SCLT1: variants seen among roughly 807,000 people sequenced by gnomAD.
The protein encoded by SCLT1 is sodium channel-associated protein 1.
SCLT1 carries 78 observed loss-of-function variants against 112.8 expected under a neutral mutation model. That is an observed-to-expected ratio of 0.69 (90% CI 0.58 to 0.83). The LOEUF (loss-of-function observed/expected upper bound fraction) is 0.83, where lower values mean the gene tolerates loss of function less well. SCLT1 is among the 40% of genes least tolerant of loss of function. The pLI is 0.00. For missense variants in SCLT1, 747 were observed against 770.4 expected (o/e 0.97, Z 0.36); for synonymous variants, 257 against 254.7 (o/e 1.01, Z -0.09).
rs572634118 is a variant in SCLT1 at position 129,060,569 on chromosome 4, G to T, written c.103-16518C>A. On this transcript the variant is annotated intron_variant, in intron 2 of 20. Coordinates refer to ENST00000281142, the MANE Select transcript of SCLT1 (RefSeq NM_144643.4). ...TTACAGATAAGTGTAATGGAATAGG[G>T]TCCATGAGGCTTCTTCAGCTGTAAT... 7.2e-5 allele frequency among the ~76,000 whole-genome samples: 11 copies of T among 152,292 alleles called. No homozygotes were observed. In the South Asian group the frequency reaches 2.3e-3, roughly 32 times the overall value.
chr4:128,934,505 C>T (rs1397176896), intron 18 of SCLT1, among the ~76,000 whole-genome samples: 1 of 151,588 alleles, frequency 6.6e-6, no homozygotes, highest in Non-Finnish European at 1.5e-5. Context: ...ATGGTCTCTG[C>T]CTTTACTTAG....
intron 2 of SCLT1, among the ~76,000 whole-genome samples, chr4:129,077,306 C>T (rs1377324184): frequency 2.0e-5 from 3 of 152,026 alleles, no homozygotes; most frequent in Non-Finnish European, 4.4e-5. Context: ...TTTGTTTTTC[C>T]AATATCATAA....
chr4:129,050,459 T>C (rs1748672820), intron 2 of SCLT1, among the ~76,000 whole-genome samples: 2 of 152,342 alleles, frequency 1.3e-5, no homozygotes, highest in South Asian at 4.1e-4. Context: ...TCTCATTTGG[T>C]TCTGATTTGC....
At chr4:129,054,608 T>C (rs1370654857) in intron 2 of SCLT1, among the ~76,000 whole-genome samples, 1 of 152,068 alleles carries the variant, frequency 6.6e-6, no homozygotes, top group Admixed American at 6.6e-5. Context: ...GTCAGGTCAT[T>C]TACGTTCTTC....
At chr4:128,981,510 A>ACAGCCGGATGGCCC (rs1434859240) in intron 9 of SCLT1, among the ~76,000 whole-genome samples, 4 of 152,116 alleles carry the variant, frequency 2.6e-5, no homozygotes, top group Non-Finnish European at 5.9e-5. Context: ...TGCATTTCTG[A>ACAGCCGGATGGCCC]CAGCCGGATG....
downstream of SCLT1, among the ~76,000 whole-genome samples, chr4:128,882,993 A>G (rs1413138225): frequency 6.6e-6 from 1 of 151,936 alleles, no homozygotes; most frequent in African/African-American, 2.4e-5. Flanking sequence ...TTAAAAATAG[A>G]AAAATTAGTG....
downstream of SCLT1, among the ~76,000 whole-genome samples, chr4:128,883,305 CTATT>C (rs1732688577): frequency 6.6e-6 from 1 of 151,806 alleles, no homozygotes; most frequent in Admixed American, 6.6e-5. Flanking sequence ...GAAGAGATTG[CTATT>C]CACATCATGG....
chr4:129,060,959 C>T (rs1318966772), intron 2 of SCLT1, among the ~76,000 whole-genome samples: 1 of 152,100 alleles, frequency 6.6e-6, no homozygotes, highest in Non-Finnish European at 1.5e-5. Flanking sequence ...CTAAGACACC[C>T]CTATCCACTT....
At chr4:128,941,743 C>T (rs1318646132) in intron 17 of SCLT1, among the ~76,000 whole-genome samples, 1 of 151,862 alleles carries the variant, frequency 6.6e-6, no homozygotes, top group Non-Finnish European at 1.5e-5. Flanking sequence ...TATTTCAAAC[C>T]CAAAGGCAAG....
intron 9 of SCLT1, among the ~76,000 whole-genome samples, chr4:128,987,307 C>A (rs73847342): frequency 2.0e-5 from 3 of 152,054 alleles, no homozygotes; most frequent in Non-Finnish European, 4.4e-5. Context: ...TCCACAAGCA[C>A]GAAGAACATC....
chr4:129,030,689 T>C (rs1026665535), intron 5 of SCLT1, among the ~76,000 whole-genome samples: 3 of 152,100 alleles, frequency 2.0e-5, no homozygotes, highest in Admixed American at 1.3e-4. Flanking sequence ...AATATCTCTA[T>C]GCAAATAAAA....
intron 2 of SCLT1, among the ~76,000 whole-genome samples, chr4:129,075,222 G>C (rs1162548211): frequency 1.3e-5 from 2 of 152,110 alleles, no homozygotes; most frequent in South Asian, 4.1e-4. Context: ...TATGTAAATT[G>C]CATCTTTTCC....
chr4:128,958,260 CAAGT>C (rs1452741181), intron 12 of SCLT1, among the ~76,000 whole-genome samples: 1 of 152,102 alleles, frequency 6.6e-6, no homozygotes, highest in African/African-American at 2.4e-5. Context: ...CCACCTTAAA[CAAGT>C]AAGCTAGTGA....
intron 18 of SCLT1, among the ~76,000 whole-genome samples, chr4:128,897,556 C>T (rs937884983): frequency 4.0e-5 from 6 of 149,424 alleles, no homozygotes; most frequent in East Asian, 3.9e-4. Context: ...CGGTACCAGC[C>T]GCTGCAAAAA....
chr4:128,926,747 TTGTA>T (rs1436476051), intron 18 of SCLT1, among the ~76,000 whole-genome samples: 1 of 152,018 alleles, frequency 6.6e-6, no homozygotes, highest in Non-Finnish European at 1.5e-5. Context: ...CATATATAGT[TTGTA>T]ACAGTAATAT....
chr4:129,054,318 C>T (rs914384860), intron 2 of SCLT1, among the ~76,000 whole-genome samples: 1 of 152,112 alleles, frequency 6.6e-6, no homozygotes, highest in African/African-American at 2.4e-5. Context: ...TGGAGAAGTT[C>T]TCCTGGATAA....
chr4:128,946,562 A>C (rs1316150419), intron 15 of SCLT1, among the ~76,000 whole-genome samples: 1 of 152,154 alleles, frequency 6.6e-6, no homozygotes, highest in Non-Finnish European at 1.5e-5. Flanking sequence ...ATCGGGCAAG[A>C]CCTTGTCTCT....
intron 18 of SCLT1, among the ~76,000 whole-genome samples, chr4:128,911,434 G>A (rs895078442): frequency 2.0e-5 from 3 of 152,116 alleles, no homozygotes; most frequent in African/African-American, 7.2e-5. Context: ...GCAAGATAAA[G>A]TAGTAGTAGC....
downstream of SCLT1, among the ~76,000 whole-genome samples, chr4:128,880,461 T>TATCA (rs1023027830): frequency 2.0e-5 from 3 of 152,178 alleles, no homozygotes; most frequent in African/African-American, 2.4e-5. Flanking sequence ...CCTTTAGAGC[T>TATCA]ATCAAATGAG....
Sources: allele counts gnomAD v4.1 joint callset (sites outside exome capture counted in the v4.1 genomes callset), GRCh38; gene constraint gnomAD v4.1.1; transcripts MANE v1.5; gene names NCBI Gene and HGNC (gene_info 2026-07-23, HGNC 2026-07-21).